Variants in NRG3 observed in about 807,000 individuals in gnomAD.
NRG3 encodes pro-neuregulin-3, membrane-bound isoform.
In NRG3, 31 loss-of-function variants were observed where a neutral mutation model predicts 66.9. The ratio of observed to expected loss-of-function variants is 0.46; its 90% CI spans 0.35 to 0.63. NRG3 has a LOEUF of 0.63. Among genes scored for constraint, NRG3 ranks in the 20% least tolerant of loss-of-function variants. The pLI, the probability that NRG3 is intolerant of heterozygous loss-of-function variation, is 0.00. For synonymous variants in NRG3, 393 were observed against 359.4 expected (o/e 1.09, Z -1.06); for missense variants, 910 against 878.9 (o/e 1.04, Z -0.45).
At chr10:82,632,881 A>G (rs2133742506) in intron 2 of NRG3, among the ~76,000 whole-genome samples, 1 of 152,294 alleles carries the variant, frequency 6.6e-6, no homozygotes, top group East Asian at 1.9e-4. Context: ...CTCAAGTGGG[A>G]AGTTACAACA....
At chr10:81,893,287 T>C (rs1843199117) in intron 1 of NRG3, among the ~76,000 whole-genome samples, 1 of 152,206 alleles carries the variant, frequency 6.6e-6, no homozygotes, top group Non-Finnish European at 1.5e-5. Flanking sequence ...AATATTTTTC[T>C]GTCAAAACAC....
intron 1 of NRG3, among the ~76,000 whole-genome samples, chr10:82,237,672 A>G (rs1435898116): frequency 6.6e-6 from 1 of 152,162 alleles, no homozygotes; most frequent in African/African-American, 2.4e-5. Flanking sequence ...TCTCCCCAGC[A>G]TATTTTCCTC....
intron 4 of NRG3, 41 bp from the exon 5 acceptor site, chr10:82,951,428 C>A (rs1248036296): frequency 4.1e-6 from 6 of 1,472,090 alleles, no homozygotes; most frequent in South Asian, 1.1e-5. Flanking sequence ...GCTGATGCAC[C>A]CCGCTAGCAT....
At chr10:81,919,488 G>C (rs571879131) in intron 1 of NRG3, among the ~76,000 whole-genome samples, 1 of 151,456 alleles carries the variant, frequency 6.6e-6, no homozygotes, top group Non-Finnish European at 1.5e-5. Context: ...AACATTGCCT[G>C]GGGTGTTATT....
chr10:82,773,243 C>T (rs1475278008), intron 3 of NRG3, among the ~76,000 whole-genome samples: 2 of 152,100 alleles, frequency 1.3e-5, no homozygotes, highest in African/African-American at 4.8e-5. Context: ...GTTCACCTTG[C>T]CAACACTTAT....
chr10:82,324,612 C>T (rs11193720), intron 1 of NRG3, among the ~76,000 whole-genome samples: 24,340 of 152,000 alleles, frequency 0.16, 3,249 homozygotes, highest in African/African-American at 0.36. Context: ...TATTGATATG[C>T]TCTGTTTTTA....
chr10:81,953,099 C>T (rs954123574), intron 1 of NRG3, among the ~76,000 whole-genome samples: 4 of 152,256 alleles, frequency 2.6e-5, no homozygotes, highest in East Asian at 1.9e-4. Flanking sequence ...TTCTCCCCTC[C>T]TCTTGCCTGT....
intron 1 of NRG3, among the ~76,000 whole-genome samples, chr10:82,123,145 A>G (rs1243159900): frequency 6.6e-6 from 1 of 152,154 alleles, no homozygotes. Context: ...AAGACAGAAT[A>G]AGTAGTATAC....
At chr10:82,825,283 T>TAAG in intron 3 of NRG3, among the ~76,000 whole-genome samples, 1 of 152,330 alleles carries the variant, frequency 6.6e-6, no homozygotes, top group East Asian at 1.9e-4. Context: ...GATTTATTTC[T>TAAG]AAGAGTTTTA....
chr10:82,484,060 T>C (rs1842490769), intron 2 of NRG3, among the ~76,000 whole-genome samples: 1 of 152,188 alleles, frequency 6.6e-6, no homozygotes, highest in Admixed American at 6.5e-5. Flanking sequence ...GACACGCTGG[T>C]TTTTTCTATA....
intron 3 of NRG3, among the ~76,000 whole-genome samples, chr10:82,816,571 G>C (rs1335509309): frequency 6.6e-6 from 1 of 152,210 alleles, no homozygotes; most frequent in Non-Finnish European, 1.5e-5. Context: ...AGCACCATAA[G>C]TTCTCACTCC....
At chr10:82,635,742 C>A (rs1256472722) in intron 2 of NRG3, among the ~76,000 whole-genome samples, 2 of 152,048 alleles carry the variant, frequency 1.3e-5, no homozygotes, top group African/African-American at 2.4e-5. Context: ...TTCTCCTTTC[C>A]CTTTTCTTCT....
At chr10:82,474,611 C>T (rs1016868585) in intron 2 of NRG3, among the ~76,000 whole-genome samples, 2 of 152,022 alleles carry the variant, frequency 1.3e-5, no homozygotes, top group African/African-American at 2.4e-5. Context: ...AATGGAGCCT[C>T]AGGGATGTGT....
intron 4 of NRG3, among the ~76,000 whole-genome samples, chr10:82,921,243 C>T (rs1423433687): frequency 2.6e-5 from 4 of 151,992 alleles, no homozygotes; most frequent in African/African-American, 4.8e-5. Context: ...AGCCAAGTCC[C>T]GATTGAGGAA....
intron 3 of NRG3, among the ~76,000 whole-genome samples, chr10:82,833,625 A>G (rs1268166666): frequency 6.6e-6 from 1 of 152,164 alleles, no homozygotes; most frequent in Non-Finnish European, 1.5e-5. Context: ...CCAGCATAGT[A>G]GGCCAATCTA....
At chr10:82,136,240 G>A (rs2069335610) in intron 1 of NRG3, among the ~76,000 whole-genome samples, 1 of 152,164 alleles carries the variant, frequency 6.6e-6, no homozygotes, top group South Asian at 2.1e-4. Flanking sequence ...CTTCAGCTGA[G>A]GGAGGTGCTA....
At position 82,951,552 on chromosome 10, in the gene NRG3, G is replaced by C. The variant is rs1457756321; in HGVS notation, c.1138G>C (p.Ala380Pro). ...TGTCATCGTGGGCATGTTCTGTGCAGCATTCTACTTCAAAAGCAAGTAAGA... is the reference window on the plus strand; with the variant it reads ...TGTCATCGTGGGCATGTTCTGTGCACCATTCTACTTCAAAAGCAAGTAAGA... ...GIVIVGMFCA[A>P]FYFKSKKQAK... Residue 380 changes from alanine to proline, a missense_variant, in exon 5 of 9, where the codon GCA (alanine) becomes CCA (proline). Transcript: ENST00000372141. 6.2e-7 allele frequency: 1 copy of C among 1,613,520 alleles called. No homozygotes were observed. The highest frequency in any genetic ancestry group is 1.1e-5 in the South Asian group (1 of 91,046).
intron 1 of NRG3, among the ~76,000 whole-genome samples, chr10:82,249,295 C>CATGTGG (rs1326862268): frequency 6.6e-6 from 1 of 152,144 alleles, no homozygotes; most frequent in East Asian, 1.9e-4. Context: ...CTATTGAATT[C>CATGTGG]ATGTGGATTT....
chr10:82,441,191 A>G (rs2090415372), intron 2 of NRG3, among the ~76,000 whole-genome samples: 1 of 152,272 alleles, frequency 6.6e-6, no homozygotes, highest in South Asian at 2.1e-4. Context: ...AATCAGGTCC[A>G]CACGAAGAAT....
Sources: allele counts gnomAD v4.1 joint callset (sites outside exome capture counted in the v4.1 genomes callset), GRCh38; gene constraint gnomAD v4.1.1; transcripts MANE v1.5; gene names NCBI Gene and HGNC (gene_info 2026-07-23, HGNC 2026-07-21).